CENPP: variants seen among roughly 807,000 people sequenced by gnomAD.
The protein encoded by CENPP is centromere protein P.
In CENPP, 24 loss-of-function variants were observed where a neutral mutation model predicts 35.6. The ratio of observed to expected loss-of-function variants is 0.67; its 90% CI spans 0.49 to 0.95. CENPP has a LOEUF of 0.95. CENPP is among the 40% of genes least tolerant of loss of function. CENPP has a pLI of 0.00. For synonymous variants in CENPP, 120 were observed against 125.5 expected, an observed-to-expected ratio of 0.96 and a Z score of 0.29; for missense variants, 332 against 345.3, an observed-to-expected ratio of 0.96 and a Z score of 0.31.
intron 1 of CENPP, among the ~76,000 whole-genome samples, chr9:92,331,955 A>C (rs961455682): frequency 2.6e-5 from 4 of 152,188 alleles, no homozygotes; most frequent in African/African-American, 9.6e-5. Flanking sequence ...TCTCTTAAAA[A>C]GGAAGAAAGA....
At chr9:92,504,248 A>C (rs1466051532) in intron 5 of CENPP, among the ~76,000 whole-genome samples, 1 of 152,216 alleles carries the variant, frequency 6.6e-6, no homozygotes, top group Non-Finnish European at 1.5e-5. Context: ...GGAGATTCTG[A>C]TGGAAAGCCA....
intron 5 of CENPP, among the ~76,000 whole-genome samples, chr9:92,588,504 C>T (rs1045841349): frequency 6.6e-6 from 1 of 151,974 alleles, no homozygotes; most frequent in African/African-American, 2.4e-5. Context: ...CCGCCCACCT[C>T]AGCCTCCCAA....
At chr9:92,466,454 G>A in intron 5 of CENPP, 2 of 1,608,334 alleles carry the variant, frequency 1.2e-6, no homozygotes, top group Non-Finnish European at 1.7e-6. Context: ...GATTTGGGAA[G>A]ATTAAGTGGT....
At chr9:92,413,758 C>T (rs896688399) in intron 5 of CENPP, among the ~76,000 whole-genome samples, 7 of 152,058 alleles carry the variant, frequency 4.6e-5, no homozygotes, top group East Asian at 1.9e-4. Flanking sequence ...GTTGATTAGA[C>T]GAATGAATGG....
At chr9:92,505,792 G>T in intron 5 of CENPP, 1 of 931,190 alleles carries the variant, frequency 1.1e-6, no homozygotes, top group Non-Finnish European at 1.6e-6. Flanking sequence ...TTATTTGGAG[G>T]GCAAATACAG....
At chr9:92,470,880 A>T (rs1181335059) in intron 5 of CENPP, 1 of 762,738 alleles carries the variant, frequency 1.3e-6, no homozygotes, top group Non-Finnish European at 2.1e-6. Flanking sequence ...CATGATTATC[A>T]TCAAGTTACA....
chr9:92,558,175 C>G (rs1012736125), intron 5 of CENPP, among the ~76,000 whole-genome samples: 4 of 152,104 alleles, frequency 2.6e-5, no homozygotes, highest in African/African-American at 9.7e-5. Context: ...GGATCCATTG[C>G]TGGTGAACTA....
intron 5 of CENPP, among the ~76,000 whole-genome samples, chr9:92,557,766 T>C (rs1331737715): frequency 1.1e-4 from 16 of 151,994 alleles, no homozygotes; most frequent in Non-Finnish European, 2.9e-5. Context: ...CCTCAGCCTC[T>C]CGAGTAGCTG....
chr9:92,450,067 C>T (rs559154565), intron 5 of CENPP, among the ~76,000 whole-genome samples: 1 of 152,104 alleles, frequency 6.6e-6, no homozygotes, highest in African/African-American at 2.4e-5. Context: ...GTAATACAGA[C>T]TGAGGTAAGG....
At chr9:92,386,363 ATATATGTGCATATGAG>A in intron 5 of CENPP, 1 of 907,094 alleles carries the variant, frequency 1.1e-6, no homozygotes, top group African/African-American at 1.6e-5. Flanking sequence ...TTCAAGCAAT[ATATATGTGCATATGAG>A]TATATGTCTA....
intron 5 of CENPP, chr9:92,465,067 T>C (rs1309694822): frequency 1.4e-6 from 2 of 1,393,096 alleles, no homozygotes; most frequent in African/African-American, 1.4e-5. Flanking sequence ...CACACATAGG[T>C]TGTATATAAA....
intron 5 of CENPP, among the ~76,000 whole-genome samples, chr9:92,506,518 C>G (rs1262480603): frequency 6.6e-6 from 1 of 152,172 alleles, no homozygotes; most frequent in Non-Finnish European, 1.5e-5. Flanking sequence ...AGGGTGTGGC[C>G]AAAATTCCCA....
intron 5 of CENPP, among the ~76,000 whole-genome samples, chr9:92,467,540 T>A (rs1307100008): frequency 6.6e-6 from 1 of 152,222 alleles, no homozygotes; most frequent in Non-Finnish European, 1.5e-5. Flanking sequence ...TCTTTACCAA[T>A]CCAGGTCATC....
chr9:92,533,328 A>AAAAATAT (rs1554683138), intron 5 of CENPP, among the ~76,000 whole-genome samples: 5 of 38,336 alleles, frequency 1.3e-4, no homozygotes, highest in Non-Finnish European at 1.7e-4. Flanking sequence ...AAAAAAAAAA[A>AAAAATAT]ATATATATAT....
chr9:92,368,046 C>A (rs1015780003), intron 4 of CENPP, among the ~76,000 whole-genome samples: 1 of 152,072 alleles, frequency 6.6e-6, no homozygotes, highest in African/African-American at 2.4e-5. Context: ...ATTATTTTTT[C>A]ACTATTTAAT....
intron 5 of CENPP, among the ~76,000 whole-genome samples, chr9:92,605,623 C>A (rs1851056889): frequency 1.3e-5 from 2 of 152,224 alleles, no homozygotes; most frequent in Non-Finnish European, 2.9e-5. Context: ...GGACCCCTAC[C>A]TCACACCATA....
At position 92,552,066 on chromosome 9, in the gene CENPP, TATG is replaced by T. The variant is rs1352057635; in HGVS notation, c.565-59245_565-59243del. ...TATTATAGGTCTATCATATATGTGA[TATG>T]ATAGATCTATCATATATGTGATATG... On this transcript the variant is annotated intron_variant, in intron 5 of 7. Coordinates refer to ENST00000375587, the MANE Select transcript of CENPP (RefSeq NM_001012267.3). 1.7e-4 allele frequency among the ~76,000 whole-genome samples: 22 copies of T among 132,746 alleles called. 2 individuals carry two copies. The highest frequency in any genetic ancestry group is 5.5e-4 in the African/African-American group (17 of 30,968). The allele number at this position is 132,746 out of a possible 152,430, so 87.1% of individuals were successfully genotyped here.
chr9:92,589,595 C>T (rs965595752), intron 5 of CENPP, among the ~76,000 whole-genome samples: 2 of 152,190 alleles, frequency 1.3e-5, no homozygotes, highest in African/African-American at 4.8e-5. Flanking sequence ...TACATGTTGG[C>T]TGTACCAACA....
intron 1 of CENPP, among the ~76,000 whole-genome samples, chr9:92,331,002 A>G (rs1324660594): frequency 1.3e-5 from 2 of 151,416 alleles, no homozygotes; most frequent in Non-Finnish European, 2.9e-5. Flanking sequence ...CTAAAATTTC[A>G]TTCTTTTTCT....
Sources: gnomAD v4.1 joint callset for allele counts (sites outside exome capture counted in the v4.1 genomes callset) on GRCh38, gnomAD v4.1.1 for gene constraint, MANE v1.5 for transcripts, NCBI Gene and HGNC (gene_info 2026-07-23, HGNC 2026-07-21) for gene names.